GRIN2A: variants seen among roughly 807,000 people sequenced by gnomAD.
The protein encoded by GRIN2A is glutamate receptor ionotropic, NMDA 2A.
Under a neutral mutation model 113.4 loss-of-function variants are expected in GRIN2A, and 22 were observed. That is an observed-to-expected ratio of 0.19 (90% CI 0.14 to 0.28). The LOEUF is 0.28. Among genes scored for constraint, GRIN2A ranks in the 10% least tolerant of loss-of-function variants. The pLI is 1.00. For missense variants in GRIN2A, 1,502 were observed against 1,887.0 expected, an observed-to-expected ratio of 0.80 and a Z score of 3.78; for synonymous variants, 827 against 738.4, an observed-to-expected ratio of 1.12 and a Z score of -1.94.
chr16:9,781,477 C>T (rs903531963), intron 11 of GRIN2A, among the ~76,000 whole-genome samples: 1 of 152,152 alleles, frequency 6.6e-6, no homozygotes, highest in East Asian at 1.9e-4. Flanking sequence ...CCTCCCACCT[C>T]AGCTTCCAAA....
chr16:9,886,224 C>T (rs769519219), intron 4 of GRIN2A, among the ~76,000 whole-genome samples: 1 of 151,932 alleles, frequency 6.6e-6, no homozygotes, highest in African/African-American at 2.4e-5. Context: ...CAACATAAGG[C>T]AGAAAGGCTC....
chr16:9,880,454 T>C (rs189265152), intron 4 of GRIN2A, among the ~76,000 whole-genome samples: 193 of 152,320 alleles, frequency 1.3e-3, no homozygotes, highest in African/African-American at 4.4e-3. Context: ...TTTCTACTTT[T>C]AAAGGGGTCA....
intron 4 of GRIN2A, among the ~76,000 whole-genome samples, chr16:9,874,651 A>T (rs1292967457): frequency 1.3e-5 from 2 of 152,190 alleles, no homozygotes; most frequent in African/African-American, 4.8e-5. Flanking sequence ...AGTCTAGCAG[A>T]CCTGAGCTAG....
intron 4 of GRIN2A, among the ~76,000 whole-genome samples, chr16:9,861,850 G>T (rs1389477221): frequency 1.3e-5 from 2 of 152,212 alleles, no homozygotes; most frequent in African/African-American, 4.8e-5. Flanking sequence ...GTGAAACTAA[G>T]AACTGCTTTT....
chr16:10,163,064 G>T (rs780720158), intron 2 of GRIN2A, among the ~76,000 whole-genome samples: 3 of 152,138 alleles, frequency 2.0e-5, no homozygotes, highest in Non-Finnish European at 4.4e-5. Context: ...CTGCAAATGA[G>T]CACATCACAC....
intron 7 of GRIN2A, among the ~76,000 whole-genome samples, chr16:9,838,373 A>G (rs1014816982): frequency 6.6e-6 from 1 of 152,196 alleles, no homozygotes; most frequent in Non-Finnish European, 1.5e-5. Context: ...ACAACTCACA[A>G]TTGCAAAGAT....
chr16:10,033,769 C>T (rs1249972831), intron 2 of GRIN2A: 1 of 152,328 alleles, frequency 6.6e-6, no homozygotes, highest in Non-Finnish European at 1.5e-5. Context: ...TCAGTCCTCT[C>T]TGGAGCCCTG....
chr16:9,873,899 G>A (rs745794114), intron 4 of GRIN2A, among the ~76,000 whole-genome samples: 2 of 152,162 alleles, frequency 1.3e-5, no homozygotes, highest in African/African-American at 2.4e-5. Flanking sequence ...AGGCCAGCAC[G>A]GTAGGAATCA....
At position 9,914,905 on chromosome 16, in the gene GRIN2A, CTTTTTTTTTTTTTTTTTTTTTTT is replaced by C. The variant is rs869182389; in HGVS notation, c.1007+23031_1007+23053del. Among the ~76,000 whole-genome samples the C allele has an allele frequency of 9.9e-3, 332 of 33,464 alleles. 2 individuals are homozygous for C. The highest frequency in any genetic ancestry group is 0.027 in the African/African-American group (272 of 10,220). The allele number at this position is 33,464 out of a possible 152,430, so 22.0% of individuals were successfully genotyped here. A position where few individuals can be genotyped will look rare whatever the true frequency, so the allele number is the denominator to read the frequency against. ...TATTTACAGCCTATTGATTATGCAG[CTTTTTTTTTTTTTTTTTTTTTTT>C]TTTTTTTTTTTTTTTTTTTTTTTAA... On this transcript the variant is annotated intron_variant, in intron 3 of 12. Transcript: ENST00000330684.
chr16:10,137,775 C>G (rs1421073418), intron 2 of GRIN2A, among the ~76,000 whole-genome samples: 1 of 152,200 alleles, frequency 6.6e-6, no homozygotes, highest in Non-Finnish European at 1.5e-5. Flanking sequence ...GAGAGTGTGA[C>G]ATGCTTAGCA....
rs536281890 is a variant in GRIN2A at position 9,809,160 on chromosome 16, C to A, written c.2169-10696G>T. Among the ~76,000 whole-genome samples, 185 of 152,310 alleles carry A rather than the reference C, an allele frequency of 1.2e-3. 2 individuals are homozygous for A. The highest frequency in any genetic ancestry group is 4.4e-3 in the African/African-American group (184 of 41,574). On this transcript the variant is annotated intron_variant, in intron 10 of 12. Transcript: ENST00000330684. ...GCAGACCGGGCACGGTGGCTCACTC[C>A]TGTAATCCCAGCACTTTGGGAGGCC...
intron 2 of GRIN2A, among the ~76,000 whole-genome samples, chr16:10,056,461 T>G (rs2047458176): frequency 6.6e-6 from 1 of 152,166 alleles, no homozygotes; most frequent in Non-Finnish European, 1.5e-5. Flanking sequence ...TTCCATTGCT[T>G]CATACATCCA....
intron 11 of GRIN2A, among the ~76,000 whole-genome samples, chr16:9,788,202 C>T: frequency 6.6e-6 from 1 of 152,088 alleles, no homozygotes; most frequent in East Asian, 1.9e-4. Flanking sequence ...TCCCTTTACT[C>T]CTCCCTTTTT....
chr16:9,863,307 T>A (rs1051961961), intron 4 of GRIN2A, among the ~76,000 whole-genome samples: 1 of 152,208 alleles, frequency 6.6e-6, no homozygotes, highest in Non-Finnish European at 1.5e-5. Flanking sequence ...CGCCCCAATA[T>A]GCACAGTCTT....
intron 4 of GRIN2A, among the ~76,000 whole-genome samples, chr16:9,865,376 G>A (rs917901766): frequency 6.6e-6 from 1 of 151,494 alleles, no homozygotes; most frequent in African/African-American, 2.4e-5. Flanking sequence ...GGAGCCACTG[G>A]GAGAAATGAG....
intron 3 of GRIN2A, among the ~76,000 whole-genome samples, chr16:9,892,341 G>A (rs2141486092): frequency 6.6e-6 from 1 of 152,262 alleles, no homozygotes; most frequent in African/African-American, 2.4e-5. Flanking sequence ...AGATTGGAGG[G>A]GAACCAGAGC....
In GRIN2A at chr16:9,762,841, C is replaced by A; in HGVS notation, c.*308G>T. 6.4e-6 allele frequency: 3 copies of A among 472,046 alleles called. No individual in the cohort carries two copies. The highest frequency in any genetic ancestry group is 1.1e-5 in the Non-Finnish European group (3 of 261,776). The allele number at this position is 472,046 out of a possible 1,614,324, so 29.2% of individuals were successfully genotyped here. On this transcript the variant is annotated 3_prime_UTR_variant, in exon 13 of 13. Transcript: ENST00000330684. ...AAATCATAACATCACCATTGGCATC[C>A]AATGCATCATTATTGCCAACATACC...
chr16:9,997,806 T>C (rs1377250530), intron 2 of GRIN2A, among the ~76,000 whole-genome samples: 1 of 152,130 alleles, frequency 6.6e-6, no homozygotes, highest in Non-Finnish European at 1.5e-5. Flanking sequence ...ATCTGATGGT[T>C]TTATAAAGGG....
intron 2 of GRIN2A, among the ~76,000 whole-genome samples, chr16:9,960,593 C>T (rs770040000): frequency 3.3e-5 from 5 of 152,106 alleles, no homozygotes; most frequent in Admixed American, 6.6e-5. Context: ...TTGTTCCTAA[C>T]GTGTAATTTT....
Sources: allele counts gnomAD v4.1 joint callset (sites outside exome capture counted in the v4.1 genomes callset), GRCh38; gene constraint gnomAD v4.1.1; transcripts MANE v1.5; gene names NCBI Gene and HGNC (gene_info 2026-07-23, HGNC 2026-07-21).